The following IGSF5 variants were observed in gnomAD, a reference collection of about 807,000 sequenced individuals.
IGSF5 encodes immunoglobulin superfamily member 5.
In IGSF5, 41 loss-of-function variants were observed where a neutral mutation model predicts 39.4. The ratio of observed to expected loss-of-function variants is 1.04; its 90% CI spans 0.81 to 1.35. The LOEUF (loss-of-function observed/expected upper bound fraction) is 1.35, where lower values mean the gene tolerates loss of function less well. IGSF5 is among the 40% of genes most tolerant of loss of function. The probability of loss-of-function intolerance (pLI) is 0.00; values close to 1 mark genes in which losing one functional copy is unlikely to be tolerated. For synonymous variants in IGSF5, 183 were observed against 175.3 expected, an observed-to-expected ratio of 1.04 and a Z score of -0.34; for missense variants, 487 against 494.6, an observed-to-expected ratio of 0.98 and a Z score of 0.15.
At chr21:39,796,105 G>A (rs73219472) in intron 8 of IGSF5, among the ~76,000 whole-genome samples, 13,261 of 152,176 alleles carry the variant, frequency 0.087, 608 homozygotes, top group South Asian at 0.16. Context: ...TGTTTCCTGG[G>A]AAGCACTTAG....
chr21:39,731,439 C>G, the IGSF5 span, among the ~76,000 whole-genome samples: 1 of 152,142 alleles, frequency 6.6e-6, no homozygotes, highest in South Asian at 2.1e-4. Context: ...GTGGGAGAGT[C>G]TGGGAATGCT....
At chr21:39,749,857 C>T (rs374020978) in intron 2 of IGSF5, among the ~76,000 whole-genome samples, 8 of 152,280 alleles carry the variant, frequency 5.3e-5, no homozygotes, top group East Asian at 1.9e-4. Context: ...CTAAGCAATA[C>T]GGCAGAGAAA....
chr21:39,726,386 G>A, the IGSF5 span, among the ~76,000 whole-genome samples: 2 of 152,222 alleles, frequency 1.3e-5, no homozygotes, highest in Non-Finnish European at 2.9e-5. Flanking sequence ...ATAGTGGCAT[G>A]TGGATGGGCT....
At chr21:39,769,481 A>G (rs1331029212) in intron 3 of IGSF5, among the ~76,000 whole-genome samples, 1 of 151,708 alleles carries the variant, frequency 6.6e-6, no homozygotes, top group African/African-American at 2.4e-5. Context: ...AAAAAAAAAA[A>G]AAAAAAAAAA....
chr21:39,726,371 C>G, the IGSF5 span, among the ~76,000 whole-genome samples: 1 of 152,276 alleles, frequency 6.6e-6, no homozygotes, highest in African/African-American at 2.4e-5. Flanking sequence ...TCTACAAAGG[C>G]TGGGATAGTG....
At chr21:39,728,815 C>T in the IGSF5 span, among the ~76,000 whole-genome samples, 6 of 151,806 alleles carry the variant, frequency 4.0e-5, no homozygotes, top group African/African-American at 1.2e-4. Context: ...TTTCTGACCG[C>T]CTATTATGTG....
chr21:39,759,640 G>A (rs1167761235), intron 2 of IGSF5, among the ~76,000 whole-genome samples: 3 of 152,084 alleles, frequency 2.0e-5, no homozygotes, highest in Non-Finnish European at 4.4e-5. Context: ...GCTGAGGCAG[G>A]CAGATCATGA....
At position 39,801,628 on chromosome 21, in the gene IGSF5, T is replaced by C. The variant is rs911490513; in HGVS notation, c.*271T>C. 1.3e-5 allele frequency: 4 copies of C among 315,824 alleles called. No homozygotes were observed. The highest frequency in any genetic ancestry group is 2.3e-5 in the Non-Finnish European group (4 of 170,796). 19.6% of individuals were successfully genotyped at this position (315,824 alleles called of 1,614,324 possible). A position where few individuals can be genotyped will look rare whatever the true frequency, so the allele number is the denominator to read the frequency against. On this transcript the variant is annotated 3_prime_UTR_variant, in exon 9 of 9. Transcript: ENST00000380588. ...AGCTGCAAATTCATCATAATTTTTC[T>C]CAACATTCAACACTCCTACTTGTTA... is the stretch of plus-strand genomic sequence containing the variant.
chr21:39,745,714 G>C (rs1359136085), intron 1 of IGSF5, among the ~76,000 whole-genome samples, 188 bp downstream of exon 1: 1 of 152,142 alleles, frequency 6.6e-6, no homozygotes, highest in Non-Finnish European at 1.5e-5. Context: ...AGAAGGGTTG[G>C]GGGTTGTTAG....
At chr21:39,728,280 C>T in the IGSF5 span, among the ~76,000 whole-genome samples, 42 of 152,042 alleles carry the variant, frequency 2.8e-4, no homozygotes, top group Non-Finnish European at 5.9e-5. Flanking sequence ...TTAGGGTGGG[C>T]CCTTAATCCA....
At chr21:39,731,717 T>A in the IGSF5 span, among the ~76,000 whole-genome samples, 4 of 152,142 alleles carry the variant, frequency 2.6e-5, no homozygotes, top group Admixed American at 6.5e-5. Flanking sequence ...GGAAGTGGAA[T>A]CGTTCTCAGA....
intron 5 of IGSF5, among the ~76,000 whole-genome samples, chr21:39,783,336 G>A (rs2080181118): frequency 1.3e-5 from 2 of 152,082 alleles, no homozygotes; most frequent in African/African-American, 2.4e-5. Flanking sequence ...CACCAATAGA[G>A]TATGAGAGTT....
At chr21:39,740,094 C>T in the IGSF5 span, among the ~76,000 whole-genome samples, 4 of 152,174 alleles carry the variant, frequency 2.6e-5, no homozygotes, top group Non-Finnish European at 5.9e-5. Flanking sequence ...TGTTCGGTGG[C>T]TTGCCATCCT....
chr21:39,724,471 C>T, the IGSF5 span, among the ~76,000 whole-genome samples: 4 of 152,146 alleles, frequency 2.6e-5, no homozygotes, highest in Non-Finnish European at 5.9e-5. Flanking sequence ...CTTTCCTGTG[C>T]TGTTCTTGTG....
At chr21:39,753,771 G>A (rs1352271771) in intron 2 of IGSF5, among the ~76,000 whole-genome samples, 1 of 151,242 alleles carries the variant, frequency 6.6e-6, no homozygotes, top group South Asian at 2.1e-4. Context: ...TTGCTTTAAA[G>A]TCTGTTTTGT....
chr21:39,770,967 A>G lies in IGSF5; in HGVS notation c.470A>G (p.Glu157Gly). Residue 157 changes from glutamate to glycine, a missense_variant, in exon 4 of 9, where the codon GAA (glutamate) becomes GGA (glycine). Physicochemically the swap from Glu to Gly is moderately conservative, Grantham distance 98. Transcript: ENST00000380588. ...PSVNLVVAEN[E>G]PCEVTCLPSH... ...GTTAATCTTGTAGTCGCTGAGAATGAACCTTGTGAAGTTACTTGTCTACCC... is the reference window on the plus strand; with the variant it reads ...GTTAATCTTGTAGTCGCTGAGAATGGACCTTGTGAAGTTACTTGTCTACCC... 1 of 1,609,368 alleles carries G rather than the reference A, an allele frequency of 6.2e-7. No individual in the cohort carries two copies. Among genetic ancestry groups the G allele is most frequent in the South Asian group, 1.1e-5 (1 of 89,882 alleles).
intron 4 of IGSF5, among the ~76,000 whole-genome samples, chr21:39,771,466 T>G (rs1454998447): frequency 2.0e-5 from 3 of 152,200 alleles, no homozygotes; most frequent in Non-Finnish European, 4.4e-5. Flanking sequence ...GCCAATTATT[T>G]ATCATCAAAG....
Position 39,792,091 on chromosome 21 carries a change from A to G in IGSF5, c.1040A>G (p.Lys347Arg). 6.2e-7 allele frequency: 1 copy of G among 1,607,172 alleles called. No individual in the cohort carries two copies. The highest frequency in any genetic ancestry group is 8.5e-7 in the Non-Finnish European group (1 of 1,175,594). ...TCCGGCTACAATTCAGATGAACAAA[A>G]GACCACAGGTGAGTAGACAAGAGGG... ...ENSGYNSDEQKTTDTASLPPK... is the reference protein window; with the variant it reads ...ENSGYNSDEQRTTDTASLPPK... Residue 347 changes from lysine (K) to arginine (R), a missense_variant, in exon 7 of 9, where the codon AAG (lysine) becomes AGG (arginine). Physicochemically the swap from Lys to Arg is conservative, Grantham distance 26 (BLOSUM62 2). Coordinates refer to ENST00000380588, the MANE Select transcript of IGSF5 (RefSeq NM_001080444.2).
At chr21:39,724,653 C>T in the IGSF5 span, among the ~76,000 whole-genome samples, 4 of 152,228 alleles carry the variant, frequency 2.6e-5, no homozygotes, top group East Asian at 3.8e-4. Context: ...CAACAAATCT[C>T]TTTCTTTTGT....
Sources: gnomAD v4.1 joint callset for allele counts (sites outside exome capture counted in the v4.1 genomes callset) on GRCh38, gnomAD v4.1.1 for gene constraint, MANE v1.5 for transcripts, NCBI Gene and HGNC (gene_info 2026-07-23, HGNC 2026-07-21) for gene names.